The following TNFSF10 variants were observed in gnomAD, a reference collection of about 807,000 sequenced individuals.
TNFSF10 encodes the protein tumor necrosis factor ligand superfamily member 10.
TNFSF10 carries 13 observed loss-of-function variants against 29.5 expected under a neutral mutation model. The observed-to-expected ratio is 0.44, with a 90% confidence interval of 0.29 to 0.70. The LOEUF (loss-of-function observed/expected upper bound fraction) is 0.70, where lower values mean the gene tolerates loss of function less well. Ranked by LOEUF, TNFSF10 falls within the 30% of genes least tolerant of loss-of-function variation. The probability of loss-of-function intolerance (pLI) is 0.13; values close to 1 mark genes in which losing one functional copy is unlikely to be tolerated. For missense variants in TNFSF10, 345 were observed against 330.9 expected, an observed-to-expected ratio of 1.04 and a Z score of -0.33; for synonymous variants, 111 against 112.8, an observed-to-expected ratio of 0.98 and a Z score of 0.10.
In TNFSF10 at chr3:172,506,731, C is replaced by T. The variant is rs745757844; in HGVS notation, c.607G>A (p.Asp203Asn). Reference protein sequence around the residue: ...QEEIKENTKNDKQMVQYIYKY... With the variant: ...QEEIKENTKNNKQMVQYIYKY... ...TAAATATATTGGACCATTTGTTTGT[C>T]GTTCTTTGTGTTTTCTTTTATTTCC... The change falls in exon 5 of 5, where the codon GAC becomes AAC. Residue 203 changes from aspartate to asparagine, a missense_variant. Asp to Asn is a conservative substitution (Grantham distance 23). Coordinates refer to ENST00000241261, the MANE Select transcript of TNFSF10 (RefSeq NM_003810.4). 2.9e-5 allele frequency: 47 copies of T among 1,613,952 alleles called. No individual in the cohort carries two copies. Among genetic ancestry groups the T allele is most frequent in the Non-Finnish European group, 3.6e-5 (42 of 1,180,002 alleles).
intron 4 of TNFSF10, 93 bp from the exon 5 acceptor site, chr3:172,507,012 G>T: frequency 8.7e-7 from 1 of 1,148,294 alleles, no homozygotes; most frequent in Non-Finnish European, 1.2e-6. Context: ...CTATATTTTT[G>T]TTGGGCTTGC....
intron 4 of TNFSF10, among the ~76,000 whole-genome samples, chr3:172,507,680 C>T (rs1468566491): frequency 6.6e-6 from 1 of 152,086 alleles, no homozygotes; most frequent in Non-Finnish European, 1.5e-5. Context: ...ATAATAATCC[C>T]CTCACTTGTA....
chr3:172,515,571 A>G (rs1022479299), intron 1 of TNFSF10, among the ~76,000 whole-genome samples: 6 of 152,188 alleles, frequency 3.9e-5, no homozygotes, highest in African/African-American at 1.2e-4. Context: ...AATCTGGACC[A>G]TGTTGCCACT....
intron 1 of TNFSF10, among the ~76,000 whole-genome samples, chr3:172,522,722 T>C (rs115488026): frequency 0.016 from 2,437 of 152,358 alleles, 62 homozygotes; most frequent in African/African-American, 0.056. Flanking sequence ...AGCAGAGCTG[T>C]CACAGTGTGC....
chr3:172,515,783 C>G (rs1459056929), intron 1 of TNFSF10, among the ~76,000 whole-genome samples: 1 of 152,072 alleles, frequency 6.6e-6, no homozygotes, highest in African/African-American at 2.4e-5. Context: ...CCCACACACA[C>G]CCCATCCCAA....
At chr3:172,516,280 T>C (rs1245191335) in intron 1 of TNFSF10, among the ~76,000 whole-genome samples, 1 of 139,476 alleles carries the variant, frequency 7.2e-6, no homozygotes, top group Non-Finnish European at 1.6e-5. Flanking sequence ...AAAAAAAAAA[T>C]CTGCTGAATT....
chr3:172,510,553 C>T (rs967824541), intron 3 of TNFSF10, among the ~76,000 whole-genome samples: 1 of 152,102 alleles, frequency 6.6e-6, no homozygotes, highest in African/African-American at 2.4e-5. Context: ...AAGAAACCTG[C>T]AAATATGTAT....
At chr3:172,523,157 A>G in intron 1 of TNFSF10, 96 bp downstream of exon 1, 1 of 1,419,824 alleles carries the variant, frequency 7.0e-7, no homozygotes, top group Admixed American at 2.1e-5. Flanking sequence ...AGGAAGCAGG[A>G]AAGTCTTCAG....
chr3:172,520,286 T>C (rs1268252009), intron 1 of TNFSF10, among the ~76,000 whole-genome samples: 3 of 152,248 alleles, frequency 2.0e-5, no homozygotes, highest in Non-Finnish European at 1.5e-5. Context: ...ACATGGACCA[T>C]CCACAGGCAG....
At chr3:172,518,984 C>T (rs112924980) in intron 1 of TNFSF10, among the ~76,000 whole-genome samples, 2,406 of 152,198 alleles carry the variant, frequency 0.016, 61 homozygotes, top group African/African-American at 0.054. Context: ...CTCCTTCATG[C>T]CTGGGTTCAA....
chr3:172,506,396 T>C lies in TNFSF10; in HGVS notation c.*96A>G, dbSNP rs1712984007. 2 of 1,428,714 alleles carry C rather than the reference T, an allele frequency of 1.4e-6. No homozygotes were observed. Among genetic ancestry groups the C allele is most frequent in the Non-Finnish European group, 9.4e-7 (1 of 1,068,518 alleles). The allele number at this position is 1,428,714 out of a possible 1,614,324, so 88.5% of individuals were successfully genotyped here. The stretch of plus-strand genomic sequence containing the variant: ...TTTTTTGTTTTCTGTTTTCTGTTTG[T>C]TTGTTTTGGTCAGATTTTTTGAAAC... On this transcript the variant is annotated 3_prime_UTR_variant, in exon 5 of 5. Transcript: ENST00000241261.
At chr3:172,515,081 T>A in intron 1 of TNFSF10, 83 bp from the exon 2 acceptor site, 1 of 1,582,746 alleles carries the variant, frequency 6.3e-7, no homozygotes, top group Non-Finnish European at 8.6e-7. Context: ...CAACAGAAAC[T>A]GATAGCAGAC....
intron 3 of TNFSF10, among the ~76,000 whole-genome samples, chr3:172,510,562 A>G (rs1713179193): frequency 6.6e-6 from 1 of 152,224 alleles, no homozygotes; most frequent in South Asian, 2.1e-4. Context: ...GCAAATATGT[A>G]TATCGAGGTA....
At chr3:172,509,368 C>A (rs986878724) in intron 3 of TNFSF10, 47 bp from the exon 4 acceptor site, 3 of 1,474,118 alleles carry the variant, frequency 2.0e-6, no homozygotes, top group Non-Finnish European at 1.9e-6. Context: ...CAAACTAGTT[C>A]TCCAATACCT....
chr3:172,522,572 C>T, intron 1 of TNFSF10: 1 of 497,946 alleles, frequency 2.0e-6, no homozygotes, highest in Non-Finnish European at 3.7e-6. Context: ...TTATTCATGG[C>T]TACAGTGTAA....
At chr3:172,517,572 A>G (rs952962472) in intron 1 of TNFSF10, 3 of 985,180 alleles carry the variant, frequency 3.0e-6, no homozygotes, top group Non-Finnish European at 3.6e-6. Flanking sequence ...CAAAACAACC[A>G]CTAATAGCAG....
At chr3:172,516,653 A>G (rs1481414196) in intron 1 of TNFSF10, among the ~76,000 whole-genome samples, 1 of 152,164 alleles carries the variant, frequency 6.6e-6, no homozygotes, top group Non-Finnish European at 1.5e-5. Flanking sequence ...TTCCCGTAGT[A>G]TATGTAGTTG....
chr3:172,511,898 G>A (rs1193576112), intron 2 of TNFSF10, among the ~76,000 whole-genome samples: 1 of 152,220 alleles, frequency 6.6e-6, no homozygotes, highest in Non-Finnish European at 1.5e-5. Context: ...GGGAAGTTCT[G>A]TTGCTGGATG....
At chr3:172,518,213 T>A in intron 1 of TNFSF10, 1 of 1,116,624 alleles carries the variant, frequency 9.0e-7, no homozygotes, top group Non-Finnish European at 1.1e-6. Flanking sequence ...TTCATTTGCG[T>A]GCCTCTGAAA....
Sources: gnomAD v4.1 joint callset for allele counts (sites outside exome capture counted in the v4.1 genomes callset) on GRCh38, gnomAD v4.1.1 for gene constraint, MANE v1.5 for transcripts, NCBI Gene and HGNC (gene_info 2026-07-23, HGNC 2026-07-21) for gene names.